The following THSD7A variants were observed in gnomAD, a reference collection of about 807,000 sequenced individuals.
THSD7A encodes the protein thrombospondin type 1 domain containing 7A.
In THSD7A, 96 loss-of-function variants were observed where a neutral mutation model predicts 231.3. That is an observed-to-expected ratio of 0.41 (90% CI 0.35 to 0.49). The LOEUF is 0.49. Ranked by LOEUF, THSD7A falls within the 20% of genes least tolerant of loss-of-function variation. The pLI is 0.05. For synonymous variants in THSD7A, 940 were observed against 743.3 expected, an observed-to-expected ratio of 1.26 and a Z score of -4.30; for missense variants, 2,290 against 2,070.2, an observed-to-expected ratio of 1.11 and a Z score of -2.06.
At chr7:11,460,862 AAC>A (rs1785481194) in intron 10 of THSD7A, 97 bp from the exon 11 acceptor site, 1 of 892,398 alleles carries the variant, frequency 1.1e-6, no homozygotes, top group African/African-American at 1.7e-5. Context: ...GACCACTGCA[AAC>A]ACAGTTATTT....
chr7:11,716,301 T>C (rs1027047043), intron 1 of THSD7A, among the ~76,000 whole-genome samples: 4 of 151,658 alleles, frequency 2.6e-5, no homozygotes, highest in Non-Finnish European at 1.5e-5. Flanking sequence ...CCAGGTGCCA[T>C]GTCTAATTCA....
intron 1 of THSD7A, among the ~76,000 whole-genome samples, chr7:11,660,491 G>A (rs994914862): frequency 6.6e-6 from 1 of 151,324 alleles, no homozygotes; most frequent in Non-Finnish European, 1.5e-5. Context: ...AAATAGAAGT[G>A]TAACACCCAA....
In THSD7A at chr7:11,547,421, C is replaced by T. The variant is rs556523108; in HGVS notation, c.1454-4304G>A. On this transcript the variant is annotated intron_variant, in intron 4 of 27. Transcript: ENST00000423059. ...TAAGAGACCATATCACATGCAATGA[C>T]GCTCATAGGCTCAAAGTAAAAGGAT... Among the ~76,000 whole-genome samples, 50 of 152,280 alleles carry T rather than the reference C, an allele frequency of 3.3e-4. No individual in the cohort carries two copies. In the South Asian group the frequency reaches 8.3e-3, roughly 25 times the overall value.
At chr7:11,469,289 G>A (rs1012658024) in intron 9 of THSD7A, among the ~76,000 whole-genome samples, 1 of 152,126 alleles carries the variant, frequency 6.6e-6, no homozygotes, top group African/African-American at 2.4e-5. Context: ...CCTAGAGGGT[G>A]AAGAAAGAAT....
intron 4 of THSD7A, 61 bp from the exon 5 acceptor site, chr7:11,543,178 T>G: frequency 1.3e-6 from 2 of 1,481,838 alleles, no homozygotes; most frequent in Non-Finnish European, 1.8e-6. Flanking sequence ...TGGCCAACAA[T>G]ATGATTTTTC....
At chr7:11,500,371 A>T (rs1213804029) in intron 6 of THSD7A, among the ~76,000 whole-genome samples, 1 of 152,152 alleles carries the variant, frequency 6.6e-6, no homozygotes, top group Non-Finnish European at 1.5e-5. Context: ...ACACTTAAAC[A>T]CACAGACCAG....
chr7:11,401,793 A>T lies in THSD7A; in HGVS notation c.4411+2T>A. On this transcript the variant is annotated splice_donor_variant, in intron 23 of 27. Coordinates refer to ENST00000423059, the MANE Select transcript of THSD7A (RefSeq NM_015204.3). LOFTEE classifies it high-confidence loss of function. ...ATAGAGTATATGAACGGTAGCACTC[A>T]CCATAACATGATTTTGTTTCTAACA... 1 of 1,611,772 alleles carries T rather than the reference A, an allele frequency of 6.2e-7. No homozygotes were observed. The highest frequency in any genetic ancestry group is 8.5e-7 in the Non-Finnish European group (1 of 1,178,980).
intron 1 of THSD7A, among the ~76,000 whole-genome samples, chr7:11,785,398 A>G (rs1249939081): frequency 6.6e-6 from 1 of 151,874 alleles, no homozygotes; most frequent in Non-Finnish European, 1.5e-5. Context: ...GCCCTATTTT[A>G]CTGTTGATCC....
chr7:11,485,422 C>T (rs1786613259), intron 6 of THSD7A, among the ~76,000 whole-genome samples: 1 of 152,150 alleles, frequency 6.6e-6, no homozygotes, highest in African/African-American at 2.4e-5. Context: ...TGGCTGAAAA[C>T]ATTTATTCAA....
intron 2 of THSD7A, among the ~76,000 whole-genome samples, chr7:11,635,620 G>T (rs1033306793): frequency 6.6e-6 from 1 of 152,084 alleles, no homozygotes; most frequent in African/African-American, 2.4e-5. Context: ...TCTCTGGAGG[G>T]AGTTATTCCA....
At chr7:11,416,927 T>C (rs1437745995) in intron 17 of THSD7A, among the ~76,000 whole-genome samples, 2 of 152,216 alleles carry the variant, frequency 1.3e-5, no homozygotes, top group African/African-American at 4.8e-5. Context: ...AGAGATTCAT[T>C]GGTGCACAGC....
chr7:11,495,904 T>A (rs1359811532), intron 6 of THSD7A, among the ~76,000 whole-genome samples: 1 of 152,078 alleles, frequency 6.6e-6, no homozygotes, highest in Non-Finnish European at 1.5e-5. Context: ...TTTGGAGAGT[T>A]AAGATTTTTA....
At chr7:11,486,580 T>G (rs1756285027) in intron 6 of THSD7A, among the ~76,000 whole-genome samples, 1 of 131,676 alleles carries the variant, frequency 7.6e-6, no homozygotes, top group African/African-American at 2.9e-5. Flanking sequence ...ATCACTGGTG[T>G]AGGTATGAAC....
At chr7:11,673,044 G>A (rs1425405649) in intron 1 of THSD7A, among the ~76,000 whole-genome samples, 1 of 152,140 alleles carries the variant, frequency 6.6e-6, no homozygotes, top group Admixed American at 6.5e-5. Flanking sequence ...CCAAAATATT[G>A]AGAAAACCTT....
chr7:11,687,272 G>A (rs1780087938), intron 1 of THSD7A, among the ~76,000 whole-genome samples: 3 of 151,754 alleles, frequency 2.0e-5, no homozygotes, highest in Non-Finnish European at 4.4e-5. Context: ...AATGTATTTC[G>A]CTAATCACTA....
At chr7:11,599,753 G>A (rs895248611) in intron 2 of THSD7A, among the ~76,000 whole-genome samples, 4 of 152,088 alleles carry the variant, frequency 2.6e-5, no homozygotes, top group African/African-American at 7.2e-5. Context: ...AATACCGAGT[G>A]TCAACTTGAT....
intron 1 of THSD7A, among the ~76,000 whole-genome samples, chr7:11,733,935 C>G (rs1399802098): frequency 6.6e-6 from 1 of 151,674 alleles, no homozygotes; most frequent in Non-Finnish European, 1.5e-5. Flanking sequence ...TATTACCTTC[C>G]TTCTTTTGTT....
At position 11,459,264 on chromosome 7, in the gene THSD7A, A is replaced by T. The variant is rs139876789; in HGVS notation, c.2605+1398T>A. ...AGGGATGAGTAAGACACACTGTATTAGTAAAAGAATGGAGACTAAAACTTA... is the reference window on the plus strand; with the variant it reads ...AGGGATGAGTAAGACACACTGTATTTGTAAAAGAATGGAGACTAAAACTTA... On this transcript the variant is annotated intron_variant, in intron 11 of 27. Coordinates refer to ENST00000423059, the MANE Select transcript of THSD7A (RefSeq NM_015204.3). Among the ~76,000 whole-genome samples, 1,233 of 152,222 alleles carry T rather than the reference A, an allele frequency of 8.1e-3. 19 individuals carry two copies. The highest frequency in any genetic ancestry group is 0.028 in the African/African-American group (1,154 of 41,542).
At chr7:11,818,535 T>C (rs1484367536) in intron 1 of THSD7A, among the ~76,000 whole-genome samples, 1 of 152,168 alleles carries the variant, frequency 6.6e-6, no homozygotes, top group African/African-American at 2.4e-5. Context: ...CAGGTCAACT[T>C]ACTAGGGCTT....
Sources: allele counts gnomAD v4.1 joint callset (sites outside exome capture counted in the v4.1 genomes callset), GRCh38; gene constraint gnomAD v4.1.1; transcripts MANE v1.5; gene names NCBI Gene and HGNC (gene_info 2026-07-23, HGNC 2026-07-21).